Variants in SACS observed in about 807,000 individuals in gnomAD.
SACS encodes sacsin.
In SACS, 197 loss-of-function variants were observed where a neutral mutation model predicts 348.0. The ratio of observed to expected loss-of-function variants is 0.57; its 90% CI spans 0.50 to 0.64. The LOEUF is 0.64. Ranked by LOEUF, SACS falls within the 30% of genes least tolerant of loss-of-function variation. The pLI is 0.00. For synonymous variants in SACS, 1,985 were observed against 1,910.6 expected, an observed-to-expected ratio of 1.04 and a Z score of -1.02; for missense variants, 4,999 against 5,360.8, an observed-to-expected ratio of 0.93 and a Z score of 2.11.
In SACS at chr13:23,333,210, ATTT is replaced by A. The variant is rs746760642; in HGVS notation, c.10663_10665del (p.Lys3555del). ...TTAAAGAAATCATTAGGAATAAACAATTTTTCAGGAAGCATAACTTCAAAAACT... is the reference window on the plus strand; with the variant it reads ...TTAAAGAAATCATTAGGAATAAACAATTCAGGAAGCATAACTTCAAAAACT... On this transcript the variant is annotated inframe_deletion, in exon 10 of 10. Transcript: ENST00000382292. The A allele has an allele frequency of 6.3e-7, 1 of 1,597,486 alleles. No homozygotes were observed. The highest frequency in any genetic ancestry group is 1.4e-5 in the African/African-American group (1 of 74,042).
chr13:23,332,308 C>A lies in SACS; in HGVS notation c.11568G>T (p.Val3856=). 3 of 1,613,992 alleles carry A rather than the reference C, an allele frequency of 1.9e-6. No homozygotes were observed. Among genetic ancestry groups the A allele is most frequent in the South Asian group, 1.1e-5 (1 of 91,078 alleles). The change falls in exon 10 of 10, where the codon GTG becomes GTT. Residue 3856 remains valine (V), a synonymous_variant. Coordinates refer to ENST00000382292, the MANE Select transcript of SACS (RefSeq NM_014363.6). ...CAGAATTTTTAAATATGCGGCTCAA[C>A]ACTTCAACATATTGCTTAGTTGAAA... ...DIISTKQYVE[V]LSRIFKNSEG... is the part of the protein sequence containing the mutation.
rs376909986 is a variant in SACS, at chr13:23,340,164, T to C, written c.3712A>G (p.Lys1238Glu). 3 of 1,613,264 alleles carry C rather than the reference T, an allele frequency of 1.9e-6. No individual in the cohort carries two copies. The highest frequency in any genetic ancestry group is 1.7e-6 in the Non-Finnish European group (2 of 1,179,520). The change falls in exon 10 of 10, where the codon AAA (lysine) becomes GAA (glutamate). Residue 1238 changes from lysine (K) to glutamate (E), a missense_variant. Lys to Glu is a moderately conservative substitution (Grantham distance 56). Transcript: ENST00000382292. ...FKIVVDWYSS[K>E]TFSDEDYYQF... Reference sequence around the variant, plus strand: ...TAGTAGTCTTCATCACTAAAGGTTTTTGAAGAATACCAATCAACAACAATT... The same window carrying C: ...TAGTAGTCTTCATCACTAAAGGTTTCTGAAGAATACCAATCAACAACAATT...
Position 23,365,158 on chromosome 13 carries a change from A to G in SACS, c.457+8T>C. 6.4e-7 allele frequency: 1 copy of G among 1,574,588 alleles called. No individual in the cohort carries two copies. Among genetic ancestry groups the G allele is most frequent in the Non-Finnish European group, 8.7e-7 (1 of 1,148,480 alleles). On this transcript the variant is annotated splice_region_variant and intron_variant, in intron 6 of 9. Transcript: ENST00000382292. Reference sequence around the variant, plus strand: ...CAATAAAATTTGTTCCTAATTATTGATTCTTACCCTGATATGGCGCCATAT... The same window carrying G: ...CAATAAAATTTGTTCCTAATTATTGGTTCTTACCCTGATATGGCGCCATAT...
chr13:23,340,759 G>C lies in SACS; in HGVS notation c.3117C>G (p.Phe1039Leu). ...CCATCTGTTCCTGTGATATCTGGAT[G>C]AATTTTAATGGTGTTAACCACTCAA... Reference protein sequence around the residue: ...NVLEWLTPLKFIQISQEQMVS... With the variant: ...NVLEWLTPLKLIQISQEQMVS... Residue 1039 changes from phenylalanine to leucine, a missense_variant, in exon 10 of 10, where the codon TTC becomes TTG. Around this residue, in one of 6 missense-constraint regions of SACS, gnomAD observed 3,156 missense variants for 3,380.1 expected, o/e 0.93. Coordinates refer to ENST00000382292, the MANE Select transcript of SACS (RefSeq NM_014363.6). 6.2e-7 allele frequency: 1 copy of C among 1,605,340 alleles called. No homozygotes were observed. The highest frequency in any genetic ancestry group is 1.3e-5 in the African/African-American group (1 of 74,616).
intron 1 of SACS, chr13:23,427,327 G>C (rs980136777): frequency 2.0e-5 from 3 of 152,256 alleles, no homozygotes; most frequent in African/African-American, 7.2e-5. Flanking sequence ...AACAATCAGT[G>C]CTGTCCAGCA....
At chr13:23,413,594 A>G (rs1873585895) in intron 1 of SACS, among the ~76,000 whole-genome samples, 1 of 152,192 alleles carries the variant, frequency 6.6e-6, no homozygotes, top group African/African-American at 2.4e-5. Flanking sequence ...TAGGAATAAC[A>G]ACCTAAGCTA....
At chr13:23,343,545 C>T (rs1482427532) in intron 9 of SACS, among the ~76,000 whole-genome samples, 5 of 152,162 alleles carry the variant, frequency 3.3e-5, no homozygotes, top group African/African-American at 7.2e-5. Context: ...ATTAGCCGGG[C>T]GTGGTGGCAG....
intron 2 of SACS, among the ~76,000 whole-genome samples, chr13:23,396,416 T>G (rs909924714): frequency 2.6e-5 from 4 of 152,096 alleles, no homozygotes; most frequent in African/African-American, 9.7e-5. Context: ...GCTCATATGA[T>G]TTGAGTAAAT....
In SACS at chr13:23,338,725, T is replaced by A. The variant is rs780648612; in HGVS notation, c.5151A>T (p.Lys1717Asn). 3 of 1,596,856 alleles carry A rather than the reference T, an allele frequency of 1.9e-6. No homozygotes were observed. The highest frequency in any genetic ancestry group is 2.2e-5 in the East Asian group (1 of 44,724). The change falls in exon 10 of 10, where the codon AAA (lysine) becomes AAT (asparagine). Residue 1717 changes from lysine to asparagine, a missense_variant. Lys to Asn is a moderately conservative substitution (Grantham distance 94, BLOSUM62 0). This residue lies in a region of SACS where 3,156 missense variants were observed against 3,380.1 expected (regional missense o/e 0.93). Coordinates refer to ENST00000382292, the MANE Select transcript of SACS (RefSeq NM_014363.6). ...LAQDTVIIKK[K>N]SCSSKALNTP... ...TGTTCAATGCTTTGGAAGAGCAGGATTTTTTTTTAATTATTACTGTATCTT... is the reference window on the plus strand; with the variant it reads ...TGTTCAATGCTTTGGAAGAGCAGGAATTTTTTTTAATTATTACTGTATCTT...
Position 23,331,253 on chromosome 13 carries a change from T to C in SACS, c.12623A>G (p.Gln4208Arg). The C allele has an allele frequency of 6.2e-7, 1 of 1,613,996 alleles. No individual in the cohort carries two copies. Among genetic ancestry groups the C allele is most frequent in the Non-Finnish European group, 8.5e-7 (1 of 1,179,878 alleles). Residue 4208 changes from glutamine (Q) to arginine (R), a missense_variant, in exon 10 of 10, where the codon CAA becomes CGA. Gln to Arg is a conservative substitution (Grantham distance 43). Coordinates refer to ENST00000382292, the MANE Select transcript of SACS (RefSeq NM_014363.6). ...GTCAGCATCTTCTCTTTCAACTTCT[T>C]GTACAATAATTGCATATGTGTATGT... is the stretch of plus-strand genomic sequence containing the variant. ...QPTYTYAIIV[Q>R]EVEREDADNS...
Position 23,331,144 on chromosome 13 carries a change from C to T in SACS, c.12732G>A (p.Lys4244=), listed in dbSNP as rs755002694. 4.3e-6 allele frequency: 7 copies of T among 1,614,078 alleles called. No homozygotes were observed. Among genetic ancestry groups the T allele is most frequent in the Non-Finnish European group, 5.9e-6 (7 of 1,179,930 alleles). ...YKIVSSLDLY[K]FSRPEESSQS... The stretch of plus-strand genomic sequence containing the variant: ...GAGAGCTTTCCTCAGGTCTTGAAAA[C>T]TTATACAGATCAAGAGAGCTAACTA... Residue 4244 remains lysine, a synonymous_variant, in exon 10 of 10, where the codon AAG becomes AAA. Transcript: ENST00000382292.
At chr13:23,361,257 C>T (rs7988272) in intron 6 of SACS, among the ~76,000 whole-genome samples, 39,526 of 151,986 alleles carry the variant, frequency 0.26, 5,354 homozygotes, top group South Asian at 0.33. Context: ...AACGAGAAGT[C>T]GGGGGCAGGA....
At position 23,341,645 on chromosome 13, in the gene SACS, G is replaced by A. The variant is rs994244424; in HGVS notation, c.2231C>T (p.Ala744Val). The change falls in exon 10 of 10, where the codon GCA becomes GTA. Residue 744 changes from alanine (A) to valine (V), a missense_variant. Ala to Val is a moderately conservative substitution (Grantham distance 64). This residue lies in a region of SACS where 3,156 missense variants were observed against 3,380.1 expected (regional missense o/e 0.93). Coordinates refer to ENST00000382292, the MANE Select transcript of SACS (RefSeq NM_014363.6). Reference protein sequence around the residue: ...QLQLLNPERFARLIKEVMNTF... With the variant: ...QLQLLNPERFVRLIKEVMNTF... ...ATTCATTACTTCCTTGATAAGACGT[G>A]CAAATCGTTCTGGATTTAGAAGCTG... 6.2e-7 allele frequency: 1 copy of A among 1,613,362 alleles called. No homozygotes were observed. Among genetic ancestry groups the A allele is most frequent in the Admixed American group, 1.7e-5 (1 of 60,018 alleles).
chr13:23,335,546 C>T lies in SACS; in HGVS notation c.8330G>A (p.Arg2777Lys), dbSNP rs1868501054. 6.8e-6 allele frequency: 11 copies of T among 1,613,634 alleles called. No homozygotes were observed. Among genetic ancestry groups the T allele is most frequent in the Non-Finnish European group, 9.3e-6 (11 of 1,179,876 alleles). ...GKITDGDRLK[R>K]KQFHASVIDS... ...AATTACAGATGCATGAAATTGTTTCCTTTTCAATCTGTCTCCATCTGTGAT... is the reference window on the plus strand; with the variant it reads ...AATTACAGATGCATGAAATTGTTTCTTTTTCAATCTGTCTCCATCTGTGAT... Residue 2777 changes from arginine (R) to lysine (K), a missense_variant, in exon 10 of 10, where the codon AGG becomes AAG. Arg to Lys is a conservative substitution (Grantham distance 26). This residue lies in a region of SACS where 3,156 missense variants were observed against 3,380.1 expected (regional missense o/e 0.93). Transcript: ENST00000382292. The surrounding 1 kb of genome is among the most constrained non-coding windows in gnomAD (Gnocchi z 4.7).
In SACS at chr13:23,333,712, C is replaced by T. The variant is rs1482698759; in HGVS notation, c.10164G>A (p.Leu3388=). The change falls in exon 10 of 10, where the codon TTG becomes TTA. Residue 3388 remains leucine, a synonymous_variant. Transcript: ENST00000382292. ...KLVENDFEAL[L]MYFNCNLNHL... is the part of the protein sequence containing the mutation. ...GATTCAAATTGCAGTTGAAATACAT[C>T]AAAAGTGCCTCAAAATCATTTTCTA... 2 of 1,613,722 alleles carry T rather than the reference C, an allele frequency of 1.2e-6. No homozygotes were observed. Among genetic ancestry groups the T allele is most frequent in the Non-Finnish European group, 1.7e-6 (2 of 1,179,748 alleles).
intron 3 of SACS, among the ~76,000 whole-genome samples, 185 bp from the exon 4 acceptor site, chr13:23,371,350 T>C: frequency 6.6e-6 from 1 of 152,170 alleles, no homozygotes; most frequent in Non-Finnish European, 1.5e-5. Flanking sequence ...ATTTAAAAAT[T>C]TAAGGGACTA....
At chr13:23,356,857 C>T (rs1228790723) in intron 7 of SACS, among the ~76,000 whole-genome samples, 1 of 152,216 alleles carries the variant, frequency 6.6e-6, no homozygotes, top group Admixed American at 6.5e-5. Context: ...ACAGCTTCAG[C>T]TGTCACAATC....
At position 23,335,142 on chromosome 13, in the gene SACS, T is replaced by G; in HGVS notation, c.8734A>C (p.Ser2912Arg). ...GGAGCTATTAATGCTGTCATTAAAC[T>G]GTTATTCCAGTCACTTCGAACACCA... Reference protein sequence around the residue: ...GVGVRSDWNNSLMTALIAPAY... With the variant: ...GVGVRSDWNNRLMTALIAPAY... The change falls in exon 10 of 10, where the codon AGT (serine) becomes CGT (arginine). Residue 2912 changes from serine to arginine, a missense_variant. Physicochemically the swap from Ser to Arg is moderately radical, Grantham distance 110 (BLOSUM62 -1). Coordinates refer to ENST00000382292, the MANE Select transcript of SACS (RefSeq NM_014363.6). The surrounding 1 kb of genome is among the most constrained non-coding windows in gnomAD (Gnocchi z 4.7). The G allele has an allele frequency of 6.2e-7, 1 of 1,613,976 alleles. No individual in the cohort carries two copies. The highest frequency in any genetic ancestry group is 8.5e-7 in the Non-Finnish European group (1 of 1,179,888).
chr13:23,355,239 G>A lies in SACS; in HGVS notation c.1373C>T (p.Thr458Ile), dbSNP rs61729954. Residue 458 changes from threonine to isoleucine, a missense_variant, in exon 8 of 10, where the codon ACA becomes ATA. This residue lies in a region of SACS where 3,156 missense variants were observed against 3,380.1 expected (regional missense o/e 0.93). Coordinates refer to ENST00000382292, the MANE Select transcript of SACS (RefSeq NM_014363.6). ...LPLPPGEESS[T>I]GLPVHISGFF... ...CCCACTGATGTGAACTGGGAGGCCT[G>A]TGCTGCTTTCCTCACCAGGTGGTAA... The A allele has an allele frequency of 2.1e-3, 3,438 of 1,614,206 alleles. 10 individuals carry two copies. The highest frequency in any genetic ancestry group is 0.01 in the Middle Eastern group (61 of 6,062).
Sources: gnomAD v4.1 joint callset for allele counts (sites outside exome capture counted in the v4.1 genomes callset) on GRCh38, gnomAD v4.1.1 for gene constraint, gnomAD v4.1.1 regional missense constraint, Gnocchi (gnomAD v3.1) non-coding constraint, MANE v1.5 for transcripts, NCBI Gene and HGNC (gene_info 2026-07-23, HGNC 2026-07-21) for gene names.